AUTS2: variants seen among roughly 807,000 people sequenced by gnomAD.
AUTS2 encodes the protein autism susceptibility gene 2 protein.
AUTS2 carries 17 observed loss-of-function variants against 112.4 expected under a neutral mutation model. The observed-to-expected ratio is 0.15, with a 90% CI of 0.10 to 0.23. The LOEUF (loss-of-function observed/expected upper bound fraction) is 0.23, where lower values mean the gene tolerates loss of function less well. Among genes scored for constraint, AUTS2 ranks in the 10% least tolerant of loss-of-function variants. The pLI is 1.00. For missense variants in AUTS2, 1,510 were observed against 1,701.6 expected, an observed-to-expected ratio of 0.89 and a Z score of 1.98; for synonymous variants, 751 against 702.7, an observed-to-expected ratio of 1.07 and a Z score of -1.09.
chr7:70,071,681 A>G (rs1020020737), intron 2 of AUTS2, among the ~76,000 whole-genome samples: 1 of 152,126 alleles, frequency 6.6e-6, no homozygotes, highest in Non-Finnish European at 1.5e-5. Flanking sequence ...ATTTGAACCT[A>G]TTTCTCCAGT....
At chr7:69,923,173 G>C (rs1026335951) in intron 2 of AUTS2, among the ~76,000 whole-genome samples, 4 of 152,176 alleles carry the variant, frequency 2.6e-5, no homozygotes, top group African/African-American at 9.6e-5. Context: ...GGGAGGTATA[G>C]ATTAAAGTTA....
At chr7:70,500,523 G>A (rs1798728492) in intron 5 of AUTS2, among the ~76,000 whole-genome samples, 1 of 152,166 alleles carries the variant, frequency 6.6e-6, no homozygotes, top group Admixed American at 6.5e-5. Context: ...CTCACATGTG[G>A]CTTTCCTCAA....
rs1284614599 is a variant in AUTS2, at chr7:70,776,995, C to A, written c.1933-108C>A. 7.9e-6 allele frequency: 8 copies of A among 1,018,310 alleles called. No homozygotes were observed. The Middle Eastern group carries it at 8.4e-4, about 107-fold the overall frequency. 63.1% of individuals were successfully genotyped at this position (1,018,310 alleles called of 1,614,324 possible). A position where few individuals can be genotyped will look rare whatever the true frequency, so the allele number is the denominator to read the frequency against. ...TGGAGAGTACAAAGCACTCTTGTTT[C>A]ACGAAAAAAGCCTCTGCAGCCAAAA... is the stretch of plus-strand genomic sequence containing the variant. On this transcript the variant is annotated intron_variant, in intron 13 of 18. Coordinates refer to ENST00000342771, the MANE Select transcript of AUTS2 (RefSeq NM_015570.4).
intron 1 of AUTS2, among the ~76,000 whole-genome samples, chr7:69,733,654 A>G (rs933229781): frequency 2.6e-5 from 4 of 152,166 alleles, no homozygotes; most frequent in African/African-American, 9.6e-5. Context: ...ATGCTACTAC[A>G]TTGTATAAAC....
intron 6 of AUTS2, among the ~76,000 whole-genome samples, chr7:70,712,086 G>A (rs915087299): frequency 6.7e-6 from 1 of 150,358 alleles, no homozygotes; most frequent in Non-Finnish European, 1.5e-5. Flanking sequence ...GTGCAGTGGT[G>A]CAATCTCGGC....
intron 5 of AUTS2, among the ~76,000 whole-genome samples, chr7:70,458,738 C>T (rs1796846935): frequency 6.6e-6 from 1 of 152,118 alleles, no homozygotes; most frequent in Non-Finnish European, 1.5e-5. Context: ...GGAATAAACC[C>T]AAACACGGAA....
chr7:70,643,784 C>A (rs963039388), intron 5 of AUTS2, among the ~76,000 whole-genome samples: 1 of 152,172 alleles, frequency 6.6e-6, no homozygotes, highest in Non-Finnish European at 1.5e-5. Flanking sequence ...CCTGTCCAAA[C>A]CTGTTCCTGT....
intron 1 of AUTS2, among the ~76,000 whole-genome samples, chr7:69,616,109 G>C (rs1290211880): frequency 6.6e-6 from 1 of 152,154 alleles, no homozygotes; most frequent in Non-Finnish European, 1.5e-5. Context: ...TCACAGTATT[G>C]CAGCCAGTTG....
intron 2 of AUTS2, among the ~76,000 whole-genome samples, chr7:69,956,580 G>GA (rs1413192228): frequency 6.6e-6 from 1 of 151,898 alleles, no homozygotes; most frequent in Non-Finnish European, 1.5e-5. Context: ...ATGGGAGCAC[G>GA]AAAAAAACGG....
chr7:70,513,208 A>G (rs565289295), intron 5 of AUTS2, among the ~76,000 whole-genome samples: 11 of 152,382 alleles, frequency 7.2e-5, no homozygotes, highest in African/African-American at 2.6e-4. Flanking sequence ...GTAACACAAC[A>G]TAGAGGAAAC....
chr7:70,771,840 T>A (rs1276345832), intron 11 of AUTS2, among the ~76,000 whole-genome samples, 196 bp downstream of exon 11: 1 of 152,250 alleles, frequency 6.6e-6, no homozygotes, highest in Non-Finnish European at 1.5e-5. Flanking sequence ...GAAAATTTAC[T>A]TTTCAAACTG....
chr7:70,461,996 A>C (rs1796984618), intron 5 of AUTS2, among the ~76,000 whole-genome samples: 1 of 152,224 alleles, frequency 6.6e-6, no homozygotes, highest in African/African-American at 2.4e-5. Flanking sequence ...TAATGCCTGT[A>C]ATCCCAGCAT....
intron 2 of AUTS2, among the ~76,000 whole-genome samples, chr7:69,925,105 A>G (rs953887354): frequency 2.0e-5 from 3 of 152,108 alleles, no homozygotes; most frequent in African/African-American, 4.8e-5. Context: ...TTTTATATCT[A>G]TAGAATCTAT....
intron 4 of AUTS2, among the ~76,000 whole-genome samples, chr7:70,147,434 A>T (rs1328174253): frequency 6.6e-6 from 1 of 152,080 alleles, no homozygotes; most frequent in East Asian, 1.9e-4. Flanking sequence ...TCTACCTCAC[A>T]TGACAGAGTT....
At chr7:70,601,532 C>T (rs575454497) in intron 5 of AUTS2, among the ~76,000 whole-genome samples, 2 of 152,126 alleles carry the variant, frequency 1.3e-5, no homozygotes, top group East Asian at 1.9e-4. Context: ...AGCCCACTGT[C>T]GAGGGTTAGC....
At chr7:69,668,182 G>A (rs1796158085) in intron 1 of AUTS2, among the ~76,000 whole-genome samples, 1 of 152,186 alleles carries the variant, frequency 6.6e-6, no homozygotes, top group Non-Finnish European at 1.5e-5. Flanking sequence ...TGCTCTTGGT[G>A]ATTATAGTTT....
At chr7:70,239,885 C>T (rs1011729464) in intron 4 of AUTS2, among the ~76,000 whole-genome samples, 1 of 152,156 alleles carries the variant, frequency 6.6e-6, no homozygotes, top group African/African-American at 2.4e-5. Flanking sequence ...AAAATTGAGT[C>T]CCACTCCTAT....
chr7:70,510,478 C>T (rs1444654068), intron 5 of AUTS2, among the ~76,000 whole-genome samples: 1 of 152,102 alleles, frequency 6.6e-6, no homozygotes, highest in East Asian at 1.9e-4. Flanking sequence ...AAAGAGTGGC[C>T]CAGGTACCCA....
At chr7:70,254,897 G>A (rs974968706) in intron 4 of AUTS2, among the ~76,000 whole-genome samples, 36 of 152,082 alleles carry the variant, frequency 2.4e-4, no homozygotes, top group East Asian at 9.7e-4. Flanking sequence ...CCTAAAACTG[G>A]TTAGTGGTAT....
Sources: allele counts gnomAD v4.1 joint callset (sites outside exome capture counted in the v4.1 genomes callset), GRCh38; gene constraint gnomAD v4.1.1; transcripts MANE v1.5; gene names NCBI Gene and HGNC (gene_info 2026-07-23, HGNC 2026-07-21).